Variants in ARID5B observed in about 807,000 individuals in gnomAD.
ARID5B encodes the protein AT-rich interaction domain 5B.
In ARID5B, 13 loss-of-function variants were observed where a neutral mutation model predicts 97.2. The ratio of observed to expected loss-of-function variants is 0.13; its 90% CI spans 0.09 to 0.21. The LOEUF is 0.21. Among genes scored for constraint, ARID5B ranks in the 10% least tolerant of loss-of-function variants. The pLI, the probability that ARID5B is intolerant of heterozygous loss-of-function variation, is 1.00. For missense variants in ARID5B, 1,210 were observed against 1,465.3 expected (o/e 0.83, Z 2.84); for synonymous variants, 556 against 570.3 (o/e 0.97, Z 0.36).
intron 3 of ARID5B, among the ~76,000 whole-genome samples, chr10:61,944,283 G>T (rs979050223): frequency 6.6e-5 from 10 of 152,014 alleles, no homozygotes; most frequent in African/African-American, 2.4e-4. Context: ...AGAAGAATTG[G>T]GTTGATTAAA....
rs754023185 is a variant in ARID5B, at chr10:62,092,091, A to G, written c.2628A>G (p.Gln876=). Residue 876 remains glutamine, a synonymous_variant, in exon 10 of 10, where the codon CAA becomes CAG. Transcript: ENST00000279873. ...ENSSFPSHRH[Q]EKLHVNYLTS... The stretch of plus-strand genomic sequence containing the variant: ...GTTCTTTTCCTTCCCACAGACACCA[A>G]GAAAAGCTCCATGTAAATTATCTCA... 2.2e-5 allele frequency: 36 copies of G among 1,613,034 alleles called. No homozygotes were observed. The highest frequency in any genetic ancestry group is 5.0e-5 in the Admixed American group (3 of 59,676).
intron 2 of ARID5B, among the ~76,000 whole-genome samples, chr10:61,913,982 C>G (rs1843854217): frequency 6.6e-6 from 1 of 152,140 alleles, no homozygotes; most frequent in African/African-American, 2.4e-5. Flanking sequence ...AACTCCCGAC[C>G]TCAGGTGATC....
intron 2 of ARID5B, among the ~76,000 whole-genome samples, chr10:61,923,539 A>AC (rs369496129): frequency 1.1e-3 from 174 of 152,304 alleles, no homozygotes; most frequent in African/African-American, 3.9e-3. Flanking sequence ...TGATAAAATC[A>AC]CTTATGACCA....
At chr10:62,048,808 G>T (rs1839746146) in intron 4 of ARID5B, among the ~76,000 whole-genome samples, 1 of 152,194 alleles carries the variant, frequency 6.6e-6, no homozygotes, top group Admixed American at 6.5e-5. Context: ...TGCCTTTTAG[G>T]TCTAAGTGCT....
At chr10:62,033,482 C>G (rs1839522944) in intron 4 of ARID5B, among the ~76,000 whole-genome samples, 1 of 152,224 alleles carries the variant, frequency 6.6e-6, no homozygotes, top group Non-Finnish European at 1.5e-5. Context: ...GACAACAGTT[C>G]AGGCTCTAAG....
rs556255448 is a variant in ARID5B, at chr10:61,909,319, T to G, written c.276+6906T>G. ...GCAATATTTAGTGCTATTCAGTGAG[T>G]TTTTTTTTTTTTTTTTTTTTTTTTG... is the stretch of plus-strand genomic sequence containing the variant. On this transcript the variant is annotated intron_variant, in intron 2 of 9. Coordinates refer to ENST00000279873, the MANE Select transcript of ARID5B (RefSeq NM_032199.3). Among the ~76,000 whole-genome samples, 6 of 46,036 alleles carry G rather than the reference T, an allele frequency of 1.3e-4. No individual in the cohort carries two copies. The South Asian group carries it at 1.8e-3, about 14-fold the overall frequency. 30.2% of individuals were successfully genotyped at this position (46,036 alleles called of 152,430 possible).
At chr10:62,046,974 A>G (rs965827065) in intron 4 of ARID5B, 2 of 150,518 alleles carry the variant, frequency 1.3e-5, no homozygotes, top group Non-Finnish European at 2.9e-5. Context: ...TAGTATGAAT[A>G]CTTCATTTTG....
At chr10:61,983,201 C>T (rs192934047) in intron 3 of ARID5B, among the ~76,000 whole-genome samples, 169 of 152,132 alleles carry the variant, frequency 1.1e-3, no homozygotes, top group Non-Finnish European at 2.1e-3. Flanking sequence ...AGCTTAGCAG[C>T]CAATAAAAAG....
At position 62,082,617 on chromosome 10, in the gene ARID5B, A is replaced by C. The variant is rs760015312; in HGVS notation, c.1200-3085A>C. On this transcript the variant is annotated intron_variant, in intron 8 of 9. Transcript: ENST00000279873. ...TTTACTAAATTCTTTATATAATACA[A>C]ACCTACTCAGCTTTCTACATAGGGC... 7.9e-5 allele frequency among the ~76,000 whole-genome samples: 12 copies of C among 152,320 alleles called. No individual in the cohort carries two copies. The Middle Eastern group carries it at 0.01, about 130-fold the overall frequency.
intron 8 of ARID5B, among the ~76,000 whole-genome samples, chr10:62,082,913 T>TA (rs1226387724): frequency 6.6e-6 from 1 of 152,200 alleles, no homozygotes; most frequent in Non-Finnish European, 1.5e-5. Flanking sequence ...CTTCAAAGCT[T>TA]AGCTGGTCAT....
Position 61,940,193 on chromosome 10 carries a change from T to C in ARID5B, c.287T>C (p.Ile96Thr). 6.2e-7 allele frequency: 1 copy of C among 1,614,112 alleles called. No individual in the cohort carries two copies. Among genetic ancestry groups the C allele is most frequent in the Non-Finnish European group, 8.5e-7 (1 of 1,179,966 alleles). ...AACCACCTCTTGTAGGATGAAGTCA[T>C]TGCTGTTTCCGAAAAGGTGATTGTG... is the stretch of plus-strand genomic sequence containing the variant. ...RNSDHGEDEV[I>T]AVSEKVIVKL... Residue 96 changes from isoleucine to threonine, a missense_variant, in exon 3 of 10, where the codon ATT becomes ACT. This residue lies in a region of ARID5B where 80 missense variants were observed against 133.2 expected (regional missense o/e 0.60). Transcript: ENST00000279873.
In ARID5B at chr10:62,091,864, G is replaced by T; in HGVS notation, c.2401G>T (p.Val801Phe). 1.2e-6 allele frequency: 2 copies of T among 1,613,994 alleles called. No individual in the cohort carries two copies. The highest frequency in any genetic ancestry group is 1.7e-6 in the Non-Finnish European group (2 of 1,179,986). Residue 801 changes from valine to phenylalanine, a missense_variant, in exon 10 of 10, where the codon GTC becomes TTC. Coordinates refer to ENST00000279873, the MANE Select transcript of ARID5B (RefSeq NM_032199.3). ...CCTTAACCCCCTTGCTGACTCCTAC[G>T]TCCTGAAGCAAGAAATTCAGGAGGG... is the stretch of plus-strand genomic sequence containing the variant. ...HHLNPLADSY[V>F]LKQEIQEGKD...
Position 62,002,054 on chromosome 10 carries a change from T to A in ARID5B, c.733+1733T>A, listed in dbSNP as rs181935625. On this transcript the variant is annotated intron_variant, in intron 4 of 9. Transcript: ENST00000279873. ...GCCGCTCAAGAGGTCTCTAAATTCCTGACACAGAATAAAACTGAAAGCATG... is the reference window on the plus strand; with the variant it reads ...GCCGCTCAAGAGGTCTCTAAATTCCAGACACAGAATAAAACTGAAAGCATG... Among the ~76,000 whole-genome samples, 22 of 152,324 alleles carry A rather than the reference T, an allele frequency of 1.4e-4. No homozygotes were observed. In the East Asian group the frequency reaches 4.2e-3, roughly 29 times the overall value.
In ARID5B at chr10:62,092,194, C is replaced by T; in HGVS notation, c.2731C>T (p.Pro911Ser). ...TGATCAGCCTACAGATCTGAGCCTTCCCAAGAACCCGCACAAACCTACCGG... is the reference window on the plus strand; with the variant it reads ...TGATCAGCCTACAGATCTGAGCCTTTCCAAGAACCCGCACAAACCTACCGG... ...TDDQPTDLSL[P>S]KNPHKPTGKV... Residue 911 changes from proline to serine, a missense_variant, in exon 10 of 10, where the codon CCC (proline) becomes TCC (serine). Physicochemically the swap from Pro to Ser is moderately conservative, Grantham distance 74. Around this residue, in one of 8 missense-constraint regions of ARID5B, gnomAD observed 800 missense variants for 839.1 expected, o/e 0.95. Coordinates refer to ENST00000279873, the MANE Select transcript of ARID5B (RefSeq NM_032199.3). 1 of 1,610,428 alleles carries T rather than the reference C, an allele frequency of 6.2e-7. No homozygotes were observed. The highest frequency in any genetic ancestry group is 8.5e-7 in the Non-Finnish European group (1 of 1,178,646).
At chr10:61,954,086 C>T (rs909936734) in intron 3 of ARID5B, among the ~76,000 whole-genome samples, 4 of 152,080 alleles carry the variant, frequency 2.6e-5, no homozygotes, top group African/African-American at 7.2e-5. Flanking sequence ...CAGCCGGGCA[C>T]GGTGGCTCAT....
chr10:61,980,365 T>C (rs1184623395), intron 3 of ARID5B, among the ~76,000 whole-genome samples: 2 of 152,190 alleles, frequency 1.3e-5, no homozygotes, highest in Non-Finnish European at 2.9e-5. Flanking sequence ...TTCATATTTC[T>C]CCTCCTTATG....
intron 5 of ARID5B, among the ~76,000 whole-genome samples, chr10:62,053,179 A>C (rs1839813480): frequency 6.6e-6 from 1 of 152,196 alleles, no homozygotes; most frequent in Non-Finnish European, 1.5e-5. Context: ...TGTTGAATTG[A>C]AAGCAGCATC....
intron 4 of ARID5B, among the ~76,000 whole-genome samples, chr10:62,043,512 C>T (rs1486415262): frequency 6.6e-6 from 1 of 152,212 alleles, no homozygotes; most frequent in Non-Finnish European, 1.5e-5. Flanking sequence ...CTGCCTATCA[C>T]TGCTGGTAAA....
intron 8 of ARID5B, 139 bp downstream of exon 8, chr10:62,069,936 C>T (rs1840041262): frequency 2.7e-6 from 2 of 740,612 alleles, no homozygotes; most frequent in East Asian, 2.7e-5. Context: ...CTTTGCATAC[C>T]GCCTTGTGAT....
Sources: allele counts gnomAD v4.1 joint callset (sites outside exome capture counted in the v4.1 genomes callset), GRCh38; gene constraint gnomAD v4.1.1; regional missense constraint gnomAD v4.1.1; transcripts MANE v1.5; gene names NCBI Gene and HGNC (gene_info 2026-07-23, HGNC 2026-07-21).